TAFA1: variants seen among roughly 807,000 people sequenced by gnomAD.
The protein encoded by TAFA1 is chemokine-like protein TAFA-1.
Under a neutral mutation model 18.5 loss-of-function variants are expected in TAFA1, and 4 were observed. That is an observed-to-expected ratio of 0.22 (90% CI 0.11 to 0.49). The LOEUF is 0.49. Ranked by LOEUF, TAFA1 falls within the 20% of genes least tolerant of loss-of-function variation. The pLI is 0.98. For missense variants in TAFA1, 147 were observed against 169.0 expected (o/e 0.87, Z 0.72); for synonymous variants, 56 against 55.2 (o/e 1.01, Z -0.06).
chr3:68,330,552 T>A (rs2068849815), intron 2 of TAFA1, among the ~76,000 whole-genome samples: 1 of 152,234 alleles, frequency 6.6e-6, no homozygotes, highest in Non-Finnish European at 1.5e-5. Context: ...GTGCTTTATG[T>A]GTGTTATCAC....
chr3:68,430,708 CCTCCACACATGT>C (rs1287218616), intron 3 of TAFA1, among the ~76,000 whole-genome samples: 1 of 151,928 alleles, frequency 6.6e-6, no homozygotes, highest in Non-Finnish European at 1.5e-5. Context: ...ATACTACCAG[CCTCCACACATGT>C]TGTTACCCAC....
chr3:68,332,282 C>G (rs1013306125), intron 2 of TAFA1, among the ~76,000 whole-genome samples: 8 of 151,704 alleles, frequency 5.3e-5, no homozygotes, highest in African/African-American at 1.9e-4. Context: ...GATTAAAGAT[C>G]TAAATGTAAC....
chr3:68,258,895 G>T (rs183590502), intron 2 of TAFA1, among the ~76,000 whole-genome samples: 1 of 152,278 alleles, frequency 6.6e-6, no homozygotes, highest in Admixed American at 6.5e-5. Context: ...TTTTCAAGTC[G>T]CTACAGATCT....
At chr3:68,066,958 A>T (rs1311965616) in intron 2 of TAFA1, among the ~76,000 whole-genome samples, 1 of 152,184 alleles carries the variant, frequency 6.6e-6, no homozygotes. Context: ...GGGCAATTAA[A>T]TAAAAATAGT....
At chr3:68,135,140 C>G (rs2065591626) in intron 2 of TAFA1, among the ~76,000 whole-genome samples, 1 of 152,140 alleles carries the variant, frequency 6.6e-6, no homozygotes, top group Non-Finnish European at 1.5e-5. Flanking sequence ...CCAAGTAAGA[C>G]TCTTTTAAAA....
intron 3 of TAFA1, among the ~76,000 whole-genome samples, chr3:68,491,467 A>T (rs1006185558): frequency 6.9e-6 from 1 of 144,096 alleles, no homozygotes; most frequent in African/African-American, 2.6e-5. Context: ...GCATATTCTC[A>T]CTCATAGGTG....
chr3:68,520,455 C>G (rs1035363027), intron 3 of TAFA1, among the ~76,000 whole-genome samples: 1 of 152,182 alleles, frequency 6.6e-6, no homozygotes, highest in East Asian at 1.9e-4. Context: ...AAATACTTCA[C>G]TATAAGAGCA....
intron 2 of TAFA1, among the ~76,000 whole-genome samples, chr3:68,235,303 T>G (rs2066915747): frequency 1.3e-5 from 2 of 152,180 alleles, no homozygotes. Context: ...ATCTTAGAGA[T>G]TATGACTAAA....
intron 2 of TAFA1, among the ~76,000 whole-genome samples, chr3:68,411,538 T>A (rs1340271820): frequency 6.6e-6 from 1 of 152,226 alleles, no homozygotes; most frequent in Non-Finnish European, 1.5e-5. Flanking sequence ...TAGTTAATAA[T>A]GTGTCAATCA....
intron 2 of TAFA1, among the ~76,000 whole-genome samples, chr3:68,156,125 C>T (rs373159524): frequency 2.1e-4 from 32 of 152,168 alleles, no homozygotes; most frequent in East Asian, 1.2e-3. Flanking sequence ...TATACTAGCC[C>T]GGAACATGGT....
intron 2 of TAFA1, among the ~76,000 whole-genome samples, chr3:68,034,891 T>G (rs896586517): frequency 6.6e-6 from 1 of 152,164 alleles, no homozygotes; most frequent in African/African-American, 2.4e-5. Context: ...TATTATCTAT[T>G]GATTATTGGT....
intron 2 of TAFA1, among the ~76,000 whole-genome samples, chr3:68,150,635 C>A (rs2065795742): frequency 6.6e-6 from 1 of 152,082 alleles, no homozygotes; most frequent in South Asian, 2.1e-4. Context: ...TGAGGTGTTG[C>A]AAGATGGTAC....
chr3:68,044,766 C>CA (rs1705234461), intron 2 of TAFA1, among the ~76,000 whole-genome samples: 1 of 152,080 alleles, frequency 6.6e-6, no homozygotes, highest in South Asian at 2.1e-4. Context: ...AGACCTTGGG[C>CA]AAGTTTCAAA....
intron 2 of TAFA1, among the ~76,000 whole-genome samples, chr3:68,105,842 T>C (rs1309748380): frequency 4.6e-5 from 7 of 152,110 alleles, no homozygotes; most frequent in Non-Finnish European, 5.9e-5. Context: ...TGCCTCCCTA[T>C]GTAAACCAGG....
At chr3:68,162,442 G>A (rs1028760073) in intron 2 of TAFA1, among the ~76,000 whole-genome samples, 2 of 152,126 alleles carry the variant, frequency 1.3e-5, no homozygotes, top group Admixed American at 6.5e-5. Context: ...GATCTGACAT[G>A]AGGCAGAGCT....
intron 2 of TAFA1, among the ~76,000 whole-genome samples, chr3:68,262,370 AT>A (rs2067452324): frequency 7.8e-6 from 1 of 127,422 alleles, no homozygotes; most frequent in Non-Finnish European, 1.6e-5. Flanking sequence ...TCATGGGTAT[AT>A]TGAACCCAGC....
intron 2 of TAFA1, among the ~76,000 whole-genome samples, chr3:68,026,757 T>G (rs1704825424): frequency 2.0e-5 from 3 of 152,178 alleles, no homozygotes; most frequent in Admixed American, 2.0e-4. Context: ...TATGTTCACT[T>G]CTATGTACCT....
At chr3:68,389,660 C>A (rs981787623) in intron 2 of TAFA1, among the ~76,000 whole-genome samples, 4 of 152,046 alleles carry the variant, frequency 2.6e-5, no homozygotes, top group African/African-American at 7.2e-5. Flanking sequence ...AACTGAGGTA[C>A]CTGGCTGATC....
At chr3:68,366,621 C>G (rs935933508) in intron 2 of TAFA1, among the ~76,000 whole-genome samples, 6 of 152,164 alleles carry the variant, frequency 3.9e-5, no homozygotes, top group Non-Finnish European at 8.8e-5. Flanking sequence ...CAATATGTGG[C>G]AGGGCTTCAA....
Sources: allele counts gnomAD v4.1 joint callset (sites outside exome capture counted in the v4.1 genomes callset), GRCh38; gene constraint gnomAD v4.1.1; transcripts MANE v1.5; gene names NCBI Gene and HGNC (gene_info 2026-07-23, HGNC 2026-07-21).